Variants in CD164 observed in about 807,000 individuals in gnomAD.
CD164 encodes the protein sialomucin core protein 24.
CD164 carries 11 observed loss-of-function variants against 24.6 expected under a neutral mutation model. That is an observed-to-expected ratio of 0.45 (90% CI 0.28 to 0.74). The LOEUF (loss-of-function observed/expected upper bound fraction) is 0.74. Among genes scored for constraint, CD164 ranks in the 30% least tolerant of loss-of-function variants. The pLI is 0.13. For synonymous variants in CD164, 126 were observed against 100.3 expected (o/e 1.26, Z -1.53); for missense variants, 295 against 243.7 (o/e 1.21, Z -1.40).
rs1770914613 is a variant in CD164, at chr6:109,368,823, C to A, written c.*28G>T. On this transcript the variant is annotated 3_prime_UTR_variant, in exon 6 of 6. Coordinates refer to ENST00000310786, the MANE Select transcript of CD164 (RefSeq NM_006016.6). Reference sequence around the variant, plus strand: ...TTCAGTGAGTTACACAAATGAATCACCAGTCCTTATTAATTCAATGGGTCT... The same window carrying A: ...TTCAGTGAGTTACACAAATGAATCAACAGTCCTTATTAATTCAATGGGTCT... The A allele has an allele frequency of 6.3e-7, 1 of 1,592,756 alleles. No homozygotes were observed. The highest frequency in any genetic ancestry group is 2.2e-5 in the East Asian group (1 of 44,576).
Position 109,368,785 on chromosome 6 carries a change from A to G in CD164, c.*66T>C. Reference sequence around the variant, plus strand: ...TCTTCCATGTGGGACATCTTAAAAGATAGTATTTTGGCTTCAGTGAGTTAC... The same window carrying G: ...TCTTCCATGTGGGACATCTTAAAAGGTAGTATTTTGGCTTCAGTGAGTTAC... On this transcript the variant is annotated 3_prime_UTR_variant, in exon 6 of 6. Coordinates refer to ENST00000310786, the MANE Select transcript of CD164 (RefSeq NM_006016.6). 2 of 1,542,350 alleles carry G rather than the reference A, an allele frequency of 1.3e-6. No homozygotes were observed. Among genetic ancestry groups the G allele is most frequent in the Non-Finnish European group, 8.7e-7 (1 of 1,150,198 alleles).
intron 4 of CD164, 156 bp downstream of exon 4, chr6:109,375,918 T>G (rs1638500109): frequency 1.7e-6 from 1 of 597,992 alleles, no homozygotes; most frequent in African/African-American, 2.0e-5. Context: ...TCACAAAAGG[T>G]AGAGATTAAC....
chr6:109,377,849 C>A lies in CD164; in HGVS notation c.331+51G>T, dbSNP rs539893370. Reference sequence around the variant, plus strand: ...AAACAAGGCTTTCTGAGGCAATGATCTTCCTCACCTCTCTGCGGTCAGCTT... The same window carrying A: ...AAACAAGGCTTTCTGAGGCAATGATATTCCTCACCTCTCTGCGGTCAGCTT... On this transcript the variant is annotated intron_variant, in intron 3 of 5. Transcript: ENST00000310786. 18 of 1,338,316 alleles carry A rather than the reference C, an allele frequency of 1.3e-5. No individual in the cohort carries two copies. The African/African-American group carries it at 2.6e-4, about 19-fold the overall frequency. The allele number at this position is 1,338,316 out of a possible 1,614,324, so 82.9% of individuals were successfully genotyped here.
rs1438245305 is a variant in CD164, at chr6:109,366,621, TCTGC to T, written c.*2226_*2229del. The T allele has an allele frequency of 8.5e-5, 13 of 152,636 alleles. No homozygotes were observed. Among genetic ancestry groups the T allele is most frequent in the African/African-American group, 3.1e-4 (13 of 41,442 alleles). The allele number at this position is 152,636 out of a possible 1,614,324, so 9.5% of individuals were successfully genotyped here. On this transcript the variant is annotated 3_prime_UTR_variant, in exon 6 of 6. Transcript: ENST00000310786. ...ATAGAAATGTCTAAATACAGCAGTA[TCTGC>T]CTGTGCAACAAATATCTGTAAGGTA...
In CD164 at chr6:109,366,695, TG is replaced by T. The variant is rs1395654424; in HGVS notation, c.*2155del. On this transcript the variant is annotated 3_prime_UTR_variant, in exon 6 of 6. Coordinates refer to ENST00000310786, the MANE Select transcript of CD164 (RefSeq NM_006016.6). The stretch of plus-strand genomic sequence containing the variant: ...AGAACATCTGCAAGAACAAATCAGA[TG>T]AAAAATCTGAAAAGGTTTCTATATA... 1 of 152,448 alleles carries T rather than the reference TG, an allele frequency of 6.6e-6. No homozygotes were observed. Among genetic ancestry groups the T allele is most frequent in the Non-Finnish European group, 1.5e-5 (1 of 68,016 alleles). 9.4% of individuals were successfully genotyped at this position (152,448 alleles called of 1,614,324 possible).
At chr6:109,374,637 T>A (rs954465930) in intron 4 of CD164, among the ~76,000 whole-genome samples, 5 of 152,200 alleles carry the variant, frequency 3.3e-5, no homozygotes, top group African/African-American at 1.2e-4. Flanking sequence ...CAGGATAACA[T>A]CTAAGTCTAC....
intron 4 of CD164, 81 bp downstream of exon 4, chr6:109,375,993 T>C (rs1771385144): frequency 9.3e-7 from 1 of 1,080,670 alleles, no homozygotes; most frequent in Non-Finnish European, 1.3e-6. Flanking sequence ...TAACAACTTT[T>C]ACATAATTAT....
chr6:109,369,638 AAG>A (rs756512096), intron 5 of CD164, among the ~76,000 whole-genome samples: 2 of 152,262 alleles, frequency 1.3e-5, no homozygotes, highest in Non-Finnish European at 2.9e-5. Context: ...AAAATAATCT[AAG>A]AAAAAAGTAA....
At chr6:109,376,827 T>C (rs376747225) in intron 3 of CD164, among the ~76,000 whole-genome samples, 8 of 152,224 alleles carry the variant, frequency 5.3e-5, no homozygotes, top group Non-Finnish European at 1.0e-4. Context: ...ATCTAACACA[T>C]ATTAAAGTAA....
chr6:109,381,450 G>C (rs568919837), intron 1 of CD164: 6 of 699,634 alleles, frequency 8.6e-6, no homozygotes, highest in Admixed American at 2.0e-5. Context: ...TACAATGTCA[G>C]GAGAGTTTAC....
chr6:109,373,367 C>T (rs1771204857), intron 4 of CD164, among the ~76,000 whole-genome samples: 1 of 152,100 alleles, frequency 6.6e-6, no homozygotes, highest in African/African-American at 2.4e-5. Context: ...GTTTAACTAC[C>T]CCTTCACTTC....
At position 109,382,446 on chromosome 6, in the gene CD164, C is replaced by G. The variant is rs375538983; in HGVS notation, c.-68G>C. 2 of 1,366,552 alleles carry G rather than the reference C, an allele frequency of 1.5e-6. No individual in the cohort carries two copies. The highest frequency in any genetic ancestry group is 1.9e-6 in the Non-Finnish European group (2 of 1,045,184). The allele number at this position is 1,366,552 out of a possible 1,614,324, so 84.7% of individuals were successfully genotyped here. A position where few individuals can be genotyped will look rare whatever the true frequency, so the allele number is the denominator to read the frequency against. On this transcript the variant is annotated 5_prime_UTR_variant, in exon 1 of 6. Transcript: ENST00000310786. ...AACGCTCAGTCAACCCCTCAATCCC[C>G]TGCGGCGCCGCCTCCGAGACTACGC...
At chr6:109,369,556 A>G (rs1456646943) in intron 5 of CD164, among the ~76,000 whole-genome samples, 1 of 152,216 alleles carries the variant, frequency 6.6e-6, no homozygotes, top group East Asian at 1.9e-4. Context: ...GTAATAAGGA[A>G]AAAACAAATA....
In CD164 at chr6:109,368,166, A is replaced by G. The variant is rs922902113; in HGVS notation, c.*685T>C. 4.0e-6 allele frequency: 4 copies of G among 995,298 alleles called. No individual in the cohort carries two copies. The Admixed American group carries it at 9.7e-5, about 24-fold the overall frequency. The allele number at this position is 995,298 out of a possible 1,614,324, so 61.7% of individuals were successfully genotyped here. A position where few individuals can be genotyped will look rare whatever the true frequency, so the allele number is the denominator to read the frequency against. ...GTCAAAGAACAAATCATAGACATTA[A>G]GCTAGAGCTTACCTTTCACTGTCTT... On this transcript the variant is annotated 3_prime_UTR_variant, in exon 6 of 6. Transcript: ENST00000310786.
intron 5 of CD164, among the ~76,000 whole-genome samples, chr6:109,369,453 T>TTAA (rs1392006141): frequency 6.6e-6 from 1 of 152,198 alleles, no homozygotes; most frequent in Non-Finnish European, 1.5e-5. Context: ...AAAAATAATC[T>TTAA]TAATAATATG....
At chr6:109,374,773 A>G (rs3778473) in intron 4 of CD164, among the ~76,000 whole-genome samples, 1,698 of 152,180 alleles carry the variant, frequency 0.011, 32 homozygotes, top group East Asian at 0.06. Context: ...ACTACTTCAC[A>G]TCTCCTCCGC....
chr6:109,375,648 T>C (rs368609157), intron 4 of CD164, among the ~76,000 whole-genome samples: 2 of 134,878 alleles, frequency 1.5e-5, no homozygotes, highest in South Asian at 2.4e-4. Context: ...AAAAAAGAAA[T>C]ACAAAGGTGC....
chr6:109,373,431 A>C (rs1459217406), intron 4 of CD164, among the ~76,000 whole-genome samples: 3 of 152,176 alleles, frequency 2.0e-5, no homozygotes, highest in African/African-American at 7.2e-5. Flanking sequence ...AACCGCCTAA[A>C]GGTTTGTTCT....
In CD164 at chr6:109,382,419, G is replaced by A. The variant is rs190842782; in HGVS notation, c.-41C>T. On this transcript the variant is annotated 5_prime_UTR_variant, in exon 1 of 6. Transcript: ENST00000310786. Reference sequence around the variant, plus strand: ...GGCGTTCGGGAGAAAGCTAAGGCTCGCAACGCTCAGTCAACCCCTCAATCC... The same window carrying A: ...GGCGTTCGGGAGAAAGCTAAGGCTCACAACGCTCAGTCAACCCCTCAATCC... The A allele has an allele frequency of 2.5e-5, 37 of 1,467,632 alleles. No individual in the cohort carries two copies. The highest frequency in any genetic ancestry group is 2.1e-4 in the African/African-American group (15 of 70,032). 90.9% of individuals were successfully genotyped at this position (1,467,632 alleles called of 1,614,324 possible). A position where few individuals can be genotyped will look rare whatever the true frequency, so the allele number is the denominator to read the frequency against.
Sources: gnomAD v4.1 joint callset for allele counts (sites outside exome capture counted in the v4.1 genomes callset) on GRCh38, gnomAD v4.1.1 for gene constraint, MANE v1.5 for transcripts, NCBI Gene and HGNC (gene_info 2026-07-23, HGNC 2026-07-21) for gene names.